The following FGF13 variants were observed in gnomAD, a reference collection of about 807,000 sequenced individuals.
FGF13 encodes fibroblast growth factor 13, also known as fibroblast growth factor homologous factor 2.
In FGF13, 2 loss-of-function variants were observed where a neutral mutation model predicts 19.5. That is an observed-to-expected ratio of 0.10 (90% CI 0.04 to 0.32). FGF13 has a LOEUF of 0.32. Among genes scored for constraint, FGF13 ranks in the 10% least tolerant of loss-of-function variants. The pLI, the probability that FGF13 is intolerant of heterozygous loss-of-function variation, is 1.00. For synonymous variants in FGF13, 72 were observed against 76.9 expected, an observed-to-expected ratio of 0.94 and a Z score of 0.33; for missense variants, 113 against 192.7, an observed-to-expected ratio of 0.59 and a Z score of 2.45.
chrX:138,826,277 C>T (rs955055766), intron 3 of FGF13, among the ~76,000 whole-genome samples: 4 of 111,881 alleles, frequency 3.6e-5, no homozygotes, highest in African/African-American at 1.3e-4. Flanking sequence ...TTCCGGAAAC[C>T]TCTTAATTCT....
intron 1 of FGF13, among the ~76,000 whole-genome samples, chrX:138,978,399 A>G (rs1255928569): frequency 9.2e-6 from 1 of 108,791 alleles, no homozygotes; most frequent in African/African-American, 3.4e-5. Context: ...AGTAGCTGGG[A>G]TCACAGGCGC....
At chrX:138,970,763 A>T (rs991655415) in intron 1 of FGF13, among the ~76,000 whole-genome samples, 3 of 110,993 alleles carry the variant, frequency 2.7e-5, no homozygotes, top group African/African-American at 9.8e-5. Context: ...CTAAATTCCC[A>T]CTTATTCTCC....
chrX:138,992,379 T>A (rs775577284), intron 1 of FGF13, among the ~76,000 whole-genome samples: 1 of 111,673 alleles, frequency 9.0e-6, no homozygotes, highest in African/African-American at 3.2e-5. Context: ...TTTTTGCATA[T>A]GGAATTTCAT....
chrX:139,124,504 C>A (rs1454366221), intron 1 of FGF13, among the ~76,000 whole-genome samples: 5 of 111,552 alleles, frequency 4.5e-5, no homozygotes, highest in Non-Finnish European at 9.4e-5. Flanking sequence ...CCAGATCATA[C>A]CCGCCTTGCA....
At chrX:138,854,698 A>G (rs1261353515), downstream of FGF13, among the ~76,000 whole-genome samples, 3 of 112,347 alleles carry the variant, frequency 2.7e-5, no homozygotes, top group Non-Finnish European at 5.6e-5. Flanking sequence ...TATTTCCCCA[A>G]AAGGCTTAAA....
intron 1 of FGF13, among the ~76,000 whole-genome samples, chrX:138,734,222 T>C (rs2090255299): frequency 8.9e-6 from 1 of 111,943 alleles, no homozygotes; most frequent in African/African-American, 3.2e-5. Flanking sequence ...GAGACTATAT[T>C]AAGGTTTGGA....
At chrX:139,155,203 C>G (rs993591545) in intron 1 of FGF13, among the ~76,000 whole-genome samples, 4 of 112,217 alleles carry the variant, frequency 3.6e-5, no homozygotes, top group Non-Finnish European at 5.6e-5. Flanking sequence ...TATTTAGTAC[C>G]TTAAGCATTA....
At chrX:138,641,172 C>T (rs2089247667) in intron 3 of FGF13, among the ~76,000 whole-genome samples, 2 of 112,113 alleles carry the variant, frequency 1.8e-5, no homozygotes, top group Non-Finnish European at 1.9e-5. Context: ...AAAGCAAGAA[C>T]CATAGAACAC....
At chrX:138,865,456 TCTCTCTCTCTCTCTCTC>T (rs1484724932) in intron 1 of FGF13, among the ~76,000 whole-genome samples, 1 of 94,570 alleles carries the variant, frequency 1.1e-5, no homozygotes, top group African/African-American at 4.7e-5. Context: ...CTCTCCTCTC[TCTCTCTCTCTCTCTCTC>T]CTCTCTCTCT....
At chrX:138,977,480 A>G (rs766950572) in intron 1 of FGF13, among the ~76,000 whole-genome samples, 6 of 112,446 alleles carry the variant, frequency 5.3e-5, no homozygotes, top group Non-Finnish European at 1.1e-4. Context: ...CATGAAAATA[A>G]TGTGGGAAAA....
intron 3 of FGF13, among the ~76,000 whole-genome samples, chrX:138,643,389 G>A (rs2089270496): frequency 1.8e-5 from 2 of 112,055 alleles, no homozygotes; most frequent in Non-Finnish European, 3.8e-5. Flanking sequence ...TATTTTTGTC[G>A]TGATACAAAA....
At chrX:139,011,935 G>A (rs1603124352) in intron 1 of FGF13, among the ~76,000 whole-genome samples, 1 of 110,948 alleles carries the variant, frequency 9.0e-6, no homozygotes. Context: ...CGTATACCTA[G>A]AAAATCCTAA....
At chrX:138,870,646 T>C (rs2091352774) in intron 1 of FGF13, among the ~76,000 whole-genome samples, 1 of 112,628 alleles carries the variant, frequency 8.9e-6, no homozygotes, top group African/African-American at 3.2e-5. Flanking sequence ...ATTATCCAGG[T>C]AGGCCCAATG....
At chrX:139,060,386 C>T (rs2092332903) in intron 1 of FGF13, among the ~76,000 whole-genome samples, 1 of 111,006 alleles carries the variant, frequency 9.0e-6, no homozygotes, top group Admixed American at 9.7e-5. Flanking sequence ...CAAATAAATT[C>T]TAATTCTAGT....
chrX:139,051,555 T>G (rs1325290059), intron 1 of FGF13, among the ~76,000 whole-genome samples: 1 of 112,398 alleles, frequency 8.9e-6, no homozygotes. Context: ...TGGAAGCCTA[T>G]TACTACAGAA....
chrX:138,736,683 G>A (rs1442581903), intron 1 of FGF13, among the ~76,000 whole-genome samples: 1 of 110,256 alleles, frequency 9.1e-6, no homozygotes, highest in Non-Finnish European at 1.9e-5. Flanking sequence ...CTACAGCTAA[G>A]GAAATGATTA....
intron 3 of FGF13, among the ~76,000 whole-genome samples, chrX:138,745,100 G>C (rs2090345929): frequency 8.9e-6 from 1 of 111,984 alleles, no homozygotes; most frequent in Non-Finnish European, 1.9e-5. Flanking sequence ...AAGCAGCATA[G>C]TGCATGCTTT....
At chrX:138,891,939 A>G (rs1007675250) in intron 1 of FGF13, among the ~76,000 whole-genome samples, 6 of 109,472 alleles carry the variant, frequency 5.5e-5, no homozygotes, top group Non-Finnish European at 7.6e-5. Context: ...CTATTGTGAG[A>G]TCTTGTGATC....
intron 3 of FGF13, among the ~76,000 whole-genome samples, chrX:138,661,508 G>T (rs909683304): frequency 9.0e-6 from 1 of 111,709 alleles, no homozygotes; most frequent in Non-Finnish European, 1.9e-5. Context: ...GATGTTACTA[G>T]TGCTGCATTA....
Sources: gnomAD v4.1 joint callset for allele counts (sites outside exome capture counted in the v4.1 genomes callset) on GRCh38, gnomAD v4.1.1 for gene constraint, MANE v1.5 for transcripts, NCBI Gene and HGNC (gene_info 2026-07-23, HGNC 2026-07-21) for gene names.